DYNLT2: variants seen among roughly 807,000 people sequenced by gnomAD.
DYNLT2 encodes dynein light chain Tctex-type protein 2.
A neutral mutation model predicts 24.3 loss-of-function variants in DYNLT2; 24 were observed. The observed-to-expected ratio is 0.99, with a 90% CI of 0.71 to 1.39. The LOEUF (loss-of-function observed/expected upper bound fraction) is 1.39. Ranked by LOEUF, DYNLT2 falls within the 40% of genes most tolerant of loss-of-function variation. DYNLT2 has a pLI of 0.00. For missense variants in DYNLT2, 246 were observed against 234.5 expected (o/e 1.05, Z -0.32); for synonymous variants, 85 against 85.4 (o/e 1.00, Z 0.03).
chr6:169,728,324 G>A, the DYNLT2 span, among the ~76,000 whole-genome samples: 1 of 152,150 alleles, frequency 6.6e-6, no homozygotes, highest in African/African-American at 2.4e-5. Flanking sequence ...GGCTGTCTTC[G>A]GGGTACTAGA....
downstream of DYNLT2, among the ~76,000 whole-genome samples, chr6:169,736,648 C>T (rs1361494497): frequency 1.3e-5 from 2 of 152,186 alleles, no homozygotes; most frequent in East Asian, 3.9e-4. Context: ...GACCCTCAAT[C>T]TCTTCTGGCT....
the DYNLT2 span, among the ~76,000 whole-genome samples, chr6:169,727,276 G>C: frequency 6.6e-6 from 1 of 152,206 alleles, no homozygotes; most frequent in African/African-American, 2.4e-5. Flanking sequence ...ATTATAAAAA[G>C]TAATGGAGAA....
chr6:169,731,060 A>C, the DYNLT2 span, among the ~76,000 whole-genome samples: 1 of 152,136 alleles, frequency 6.6e-6, no homozygotes, highest in Non-Finnish European at 1.5e-5. Context: ...TTCTTGGTAC[A>C]GGTCTCAACA....
rs1562997037 is a variant in DYNLT2, at chr6:169,744,281, G to A, written c.121-7C>T. On this transcript the variant is annotated splice_polypyrimidine_tract_variant and splice_region_variant and intron_variant, in intron 1 of 3. Coordinates refer to ENST00000366774, the MANE Select transcript of DYNLT2 (RefSeq NM_174910.3). ...CTCTTAAAATCTGTGTATACTGGAG[G>A]AGAAAGAGAGAGGGGAAGAGAGAAA... 6 of 1,608,218 alleles carry A rather than the reference G, an allele frequency of 3.7e-6. No homozygotes were observed. The highest frequency in any genetic ancestry group is 5.1e-6 in the Non-Finnish European group (6 of 1,176,070).
chr6:169,735,460 G>A (rs560301228), downstream of DYNLT2, among the ~76,000 whole-genome samples: 5 of 152,120 alleles, frequency 3.3e-5, no homozygotes, highest in Non-Finnish European at 4.4e-5. Flanking sequence ...CTTTAGCTGT[G>A]TCCCAGAGAT....
At chr6:169,739,427 G>A (rs762501229), downstream of DYNLT2, among the ~76,000 whole-genome samples, 5 of 152,082 alleles carry the variant, frequency 3.3e-5, no homozygotes, top group Non-Finnish European at 7.4e-5. Flanking sequence ...ATTACAACTG[G>A]TCTAGTCATA....
intron 3 of DYNLT2, 64 bp from the exon 4 acceptor site, chr6:169,740,359 C>G: frequency 1.0e-6 from 1 of 957,608 alleles, no homozygotes; most frequent in South Asian, 1.4e-5. Flanking sequence ...ATTTTCAAAT[C>G]TACACTAGTT....
the DYNLT2 span, among the ~76,000 whole-genome samples, chr6:169,729,289 G>C: frequency 6.6e-6 from 1 of 152,054 alleles, no homozygotes; most frequent in Non-Finnish European, 1.5e-5. Flanking sequence ...GGCTTCTATG[G>C]TGCCTTTTGT....
At chr6:169,725,428 CAG>C in the DYNLT2 span, 2 of 397,794 alleles carry the variant, frequency 5.0e-6, no homozygotes, top group Non-Finnish European at 8.8e-6. Flanking sequence ...TGCCTCAGGT[CAG>C]AGAGGTCACC....
At chr6:169,745,719 C>G (rs1325165209) in intron 1 of DYNLT2, among the ~76,000 whole-genome samples, 1 of 152,124 alleles carries the variant, frequency 6.6e-6, no homozygotes, top group Non-Finnish European at 1.5e-5. Flanking sequence ...ATACATGATA[C>G]AGGTCTGTAA....
chr6:169,729,405 T>C, the DYNLT2 span, among the ~76,000 whole-genome samples: 2 of 152,320 alleles, frequency 1.3e-5, no homozygotes, highest in African/African-American at 4.8e-5. Flanking sequence ...TTGCTGTACT[T>C]TCATCTTTCT....
At chr6:169,725,894 C>T in the DYNLT2 span, 1 of 152,260 alleles carries the variant, frequency 6.6e-6, no homozygotes, top group Non-Finnish European at 1.5e-5. Context: ...ACTGCCTGTC[C>T]AACCTTGGAC....
At chr6:169,741,047 T>A (rs1789668192) in intron 3 of DYNLT2, among the ~76,000 whole-genome samples, 1 of 152,056 alleles carries the variant, frequency 6.6e-6, no homozygotes, top group East Asian at 1.9e-4. Context: ...CCTCAGCTGA[T>A]CCACCCGCAT....
chr6:169,727,749 G>C, the DYNLT2 span, among the ~76,000 whole-genome samples: 1 of 152,080 alleles, frequency 6.6e-6, no homozygotes, highest in Non-Finnish European at 1.5e-5. Flanking sequence ...ATTTTTAGTA[G>C]AGACGGAGTT....
chr6:169,740,491 A>G (rs1789654347), intron 3 of DYNLT2, among the ~76,000 whole-genome samples, 196 bp from the exon 4 acceptor site: 2 of 152,114 alleles, frequency 1.3e-5, no homozygotes. Context: ...TCTTTACCGG[A>G]GGCTGGCCTT....
chr6:169,749,705 A>C (rs1396535038), intron 1 of DYNLT2: 2 of 152,208 alleles, frequency 1.3e-5, no homozygotes, highest in African/African-American at 2.4e-5. Context: ...CTTATTAAAA[A>C]GTTAAGGGAA....
rs941099570 is a variant in DYNLT2 at position 169,741,265 on chromosome 6, C to G, written c.487-970G>C. Among the ~76,000 whole-genome samples, 7 of 152,308 alleles carry G rather than the reference C, an allele frequency of 4.6e-5. No homozygotes were observed. The East Asian group carries it at 1.4e-3, about 29-fold the overall frequency. The stretch of plus-strand genomic sequence containing the variant: ...CTTCAGAGGTCTTGTAGCTTCTGCT[C>G]TCACACTCGTGGAACACTATGCTGA... On this transcript the variant is annotated intron_variant, in intron 3 of 3. Transcript: ENST00000366774.
chr6:169,748,654 G>A (rs143613473), intron 1 of DYNLT2, among the ~76,000 whole-genome samples: 5 of 152,260 alleles, frequency 3.3e-5, no homozygotes, highest in Admixed American at 2.6e-4. Flanking sequence ...TGTTTATTAA[G>A]AGAATGCTTC....
At chr6:169,733,602 G>A in the DYNLT2 span, among the ~76,000 whole-genome samples, 4 of 152,148 alleles carry the variant, frequency 2.6e-5, no homozygotes, top group Admixed American at 2.0e-4. Flanking sequence ...CTGTAGATGT[G>A]TGGTGTTATT....
Sources: gnomAD v4.1 joint callset for allele counts (sites outside exome capture counted in the v4.1 genomes callset) on GRCh38, gnomAD v4.1.1 for gene constraint, MANE v1.5 for transcripts, NCBI Gene and HGNC (gene_info 2026-07-23, HGNC 2026-07-21) for gene names.